Variants in DSCAM observed in about 807,000 individuals in gnomAD.
DSCAM encodes DS cell adhesion molecule, also known as cell adhesion molecule DSCAM.
In DSCAM, 47 loss-of-function variants were observed where a neutral mutation model predicts 217.7. That is an observed-to-expected ratio of 0.22 (90% confidence interval 0.17 to 0.28). The LOEUF is 0.28. DSCAM is among the 10% of genes least tolerant of loss of function. The pLI is 1.00. For missense variants in DSCAM, 2,080 were observed against 2,618.3 expected (o/e 0.79, Z 4.49); for synonymous variants, 1,056 against 1,015.3 (o/e 1.04, Z -0.76).
intron 3 of DSCAM, among the ~76,000 whole-genome samples, chr21:40,498,731 G>A (rs1217431932): frequency 2.5e-4 from 4 of 15,886 alleles, no homozygotes; most frequent in African/African-American, 7.9e-4. Flanking sequence ...ATATATGGGT[G>A]TGTGTATATA....
chr21:40,451,820 G>C (rs2075722142), intron 3 of DSCAM, among the ~76,000 whole-genome samples: 1 of 152,074 alleles, frequency 6.6e-6, no homozygotes, highest in Non-Finnish European at 1.5e-5. Context: ...AAACATGTGG[G>C]AGTTATTTAT....
At chr21:40,814,677 A>G (rs1208720647) in intron 1 of DSCAM, among the ~76,000 whole-genome samples, 1 of 152,208 alleles carries the variant, frequency 6.6e-6, no homozygotes, top group Non-Finnish European at 1.5e-5. Flanking sequence ...TGGAAAACGA[A>G]GATGAGACGT....
intron 3 of DSCAM, among the ~76,000 whole-genome samples, chr21:40,410,284 A>G (rs2075311476): frequency 5.3e-5 from 8 of 152,090 alleles, no homozygotes; most frequent in Admixed American, 5.2e-4. Context: ...ACTCATAAAC[A>G]ACAATAGAAA....
intron 27 of DSCAM, among the ~76,000 whole-genome samples, chr21:40,073,014 C>A (rs535108408): frequency 2.6e-5 from 4 of 152,202 alleles, no homozygotes; most frequent in African/African-American, 9.6e-5. Context: ...CCTTGTACAG[C>A]AACAATTAAA....
chr21:40,496,614 C>A (rs1371916524), intron 3 of DSCAM, among the ~76,000 whole-genome samples: 1 of 152,002 alleles, frequency 6.6e-6, no homozygotes. Context: ...TAGTATGTGA[C>A]CCTAAAAGCA....
intron 3 of DSCAM, among the ~76,000 whole-genome samples, chr21:40,391,237 A>G (rs2075131147): frequency 6.6e-6 from 1 of 152,228 alleles, no homozygotes; most frequent in Non-Finnish European, 1.5e-5. Context: ...ATGAGCAGCA[A>G]TGAGTATTCT....
At chr21:40,825,363 G>C (rs748245144) in intron 1 of DSCAM, among the ~76,000 whole-genome samples, 1 of 150,606 alleles carries the variant, frequency 6.6e-6, no homozygotes, top group African/African-American at 2.4e-5. Context: ...TGTTGCCCAG[G>C]CTGGAGTGCA....
At chr21:40,123,951 G>T (rs1199633965) in intron 20 of DSCAM, among the ~76,000 whole-genome samples, 1 of 152,184 alleles carries the variant, frequency 6.6e-6, no homozygotes, top group Non-Finnish European at 1.5e-5. Flanking sequence ...TGGCAGTTTA[G>T]TGGGAACTCA....
chr21:40,420,338 G>T (rs967599531), intron 3 of DSCAM, among the ~76,000 whole-genome samples: 1 of 152,088 alleles, frequency 6.6e-6, no homozygotes, highest in Non-Finnish European at 1.5e-5. Context: ...TCTGGATTTC[G>T]TTTATCTTTT....
At chr21:40,640,634 C>T (rs1381575083) in intron 3 of DSCAM, among the ~76,000 whole-genome samples, 4 of 152,124 alleles carry the variant, frequency 2.6e-5, no homozygotes, top group African/African-American at 7.2e-5. Context: ...GGGATGCTGG[C>T]GGAGGCTCTG....
In DSCAM at chr21:40,080,288, T is replaced by G. The variant is rs771319551; in HGVS notation, c.4284A>C (p.Pro1428=). Residue 1428 remains proline, a synonymous_variant, in exon 25 of 33, where the codon CCA becomes CCC. Transcript: ENST00000400454. The stretch of plus-strand genomic sequence containing the variant: ...GATAGGAACGTTCGCTGGGGCTGAT[T>G]GGAAAACTCCCCCACTGCTCACTAT... The part of the protein sequence containing the change: ...EDNSEQWGSF[P]ISPSERSYRL... 6.2e-7 allele frequency: 1 copy of G among 1,613,510 alleles called. No individual in the cohort carries two copies. The highest frequency in any genetic ancestry group is 2.2e-5 in the East Asian group (1 of 44,786).
In DSCAM at chr21:40,089,028, A is replaced by C. The variant is rs141045433; in HGVS notation, c.3851-1741T>G. Among the ~76,000 whole-genome samples the C allele has an allele frequency of 2.6e-5, 4 of 152,256 alleles. No individual in the cohort carries two copies. The South Asian group carries it at 8.3e-4, about 32-fold the overall frequency. ...ATTTGACTCTGTTCCACTCTATTCCATTGTTGTTCTTTAACATTCTGGGCA... is the reference window on the plus strand; with the variant it reads ...ATTTGACTCTGTTCCACTCTATTCCCTTGTTGTTCTTTAACATTCTGGGCA... On this transcript the variant is annotated intron_variant, in intron 21 of 32. Transcript: ENST00000400454.
intron 1 of DSCAM, among the ~76,000 whole-genome samples, chr21:40,830,745 AAGCACTT>A (rs1299962254): frequency 2.0e-5 from 3 of 152,192 alleles, no homozygotes; most frequent in Non-Finnish European, 4.4e-5. Flanking sequence ...TGGTAGAAAA[AAGCACTT>A]AGCACAGTTT....
intron 3 of DSCAM, among the ~76,000 whole-genome samples, chr21:40,648,065 A>T (rs1276692355): frequency 6.6e-6 from 1 of 151,496 alleles, no homozygotes; most frequent in Non-Finnish European, 1.5e-5. Flanking sequence ...ATAGAGAAAG[A>T]AAGCAGTTGT....
intron 8 of DSCAM, among the ~76,000 whole-genome samples, chr21:40,328,161 AC>A (rs988408207): frequency 3.1e-4 from 47 of 152,290 alleles, no homozygotes; most frequent in African/African-American, 1.1e-3. Flanking sequence ...TTCCAATATA[AC>A]CAAAAAAGAG....
chr21:40,269,831 G>A (rs1346295294), intron 11 of DSCAM, among the ~76,000 whole-genome samples: 1 of 152,184 alleles, frequency 6.6e-6, no homozygotes, highest in African/African-American at 2.4e-5. Context: ...TACTTCAGTA[G>A]AGCCTCATCT....
At chr21:40,234,425 A>G (rs1372954357) in intron 11 of DSCAM, among the ~76,000 whole-genome samples, 6 of 152,250 alleles carry the variant, frequency 3.9e-5, no homozygotes, top group Non-Finnish European at 8.8e-5. Flanking sequence ...TAAGCAAAGC[A>G]GTTCCCACTG....
At chr21:40,236,921 CAATG>C (rs1250846318) in intron 11 of DSCAM, among the ~76,000 whole-genome samples, 1 of 152,198 alleles carries the variant, frequency 6.6e-6, no homozygotes, top group Non-Finnish European at 1.5e-5. Context: ...TTACTTCTGA[CAATG>C]ACTGAACAAC....
intron 32 of DSCAM, among the ~76,000 whole-genome samples, chr21:40,030,582 T>C (rs2088502209): frequency 6.6e-6 from 1 of 152,154 alleles, no homozygotes; most frequent in Non-Finnish European, 1.5e-5. Flanking sequence ...GAGTTCCCTC[T>C]GAACTACGAC....
Sources: allele counts gnomAD v4.1 joint callset (sites outside exome capture counted in the v4.1 genomes callset), GRCh38; gene constraint gnomAD v4.1.1; transcripts MANE v1.5; gene names NCBI Gene and HGNC (gene_info 2026-07-23, HGNC 2026-07-21).